Variants in DPF3 observed in about 807,000 individuals in gnomAD.
The protein encoded by DPF3 is double PHD fingers 3, also known as zinc finger protein DPF3.
Under a neutral mutation model 56.8 loss-of-function variants are expected in DPF3, and 18 were observed. The ratio of observed to expected loss-of-function variants is 0.32; its 90% CI spans 0.22 to 0.47. DPF3 has a LOEUF of 0.47. DPF3 is among the 20% of genes least tolerant of loss of function. DPF3 has a pLI of 1.00. For missense variants in DPF3, 403 were observed against 488.8 expected (o/e 0.82, Z 1.65); for synonymous variants, 188 against 180.2 (o/e 1.04, Z -0.35).
chr14:72,890,521 T>TAATAATAATAATAATAATAATAAC (rs1212406549), intron 1 of DPF3, among the ~76,000 whole-genome samples: 1 of 151,300 alleles, frequency 6.6e-6, no homozygotes, highest in African/African-American at 2.4e-5. Context: ...ATAATAATAA[T>TAATAATAATAATAATAATAATAAC]AGCATTATGT....
At chr14:72,814,167 C>A (rs757186420) in intron 1 of DPF3, among the ~76,000 whole-genome samples, 1 of 152,116 alleles carries the variant, frequency 6.6e-6, no homozygotes, top group African/African-American at 2.4e-5. Flanking sequence ...GAATGGTGCC[C>A]CCAGAGTGAG....
At chr14:72,766,919 T>A (rs1339172634) in intron 2 of DPF3, among the ~76,000 whole-genome samples, 2 of 152,166 alleles carry the variant, frequency 1.3e-5, no homozygotes, top group East Asian at 1.9e-4. Flanking sequence ...GGCATCCCAA[T>A]AGCTTTGCTG....
At chr14:72,778,467 AAGCTCAG>A (rs761383273) in intron 1 of DPF3, among the ~76,000 whole-genome samples, 6 of 152,246 alleles carry the variant, frequency 3.9e-5, no homozygotes, top group Non-Finnish European at 7.3e-5. Context: ...GCAGGAAAAC[AAGCTCAG>A]AGCTCCCACT....
At chr14:72,677,681 G>A (rs943940538) in intron 7 of DPF3, among the ~76,000 whole-genome samples, 2 of 152,188 alleles carry the variant, frequency 1.3e-5, no homozygotes, top group Non-Finnish European at 2.9e-5. Flanking sequence ...TGCCCTGGGA[G>A]CACCGGATAT....
intron 7 of DPF3, among the ~76,000 whole-genome samples, chr14:72,678,909 G>T (rs1482830127): frequency 2.0e-5 from 3 of 152,156 alleles, no homozygotes; most frequent in African/African-American, 7.2e-5. Context: ...AAAAAAAATG[G>T]AAATCAGGAA....
intron 2 of DPF3, among the ~76,000 whole-genome samples, chr14:72,756,881 G>GAAA (rs1333672376): frequency 1.1e-4 from 9 of 81,114 alleles, no homozygotes; most frequent in Admixed American, 5.1e-4. Flanking sequence ...AGGAAGGAAA[G>GAAA]AAGGAAAGAA....
chr14:72,715,565 G>A (rs1374941279), intron 5 of DPF3, among the ~76,000 whole-genome samples: 1 of 151,952 alleles, frequency 6.6e-6, no homozygotes, highest in African/African-American at 2.4e-5. Flanking sequence ...CCTGGGGCCT[G>A]GCTTGGAAAA....
intron 3 of DPF3, among the ~76,000 whole-genome samples, chr14:72,747,000 C>T (rs1401911321): frequency 1.3e-5 from 2 of 152,342 alleles, no homozygotes; most frequent in Non-Finnish European, 2.9e-5. Context: ...CTGGCAGGCC[C>T]GTGTGCCCAA....
chr14:72,789,293 T>C (rs1892333643), intron 1 of DPF3, among the ~76,000 whole-genome samples: 1 of 152,130 alleles, frequency 6.6e-6, no homozygotes, highest in Admixed American at 6.5e-5. Context: ...ATGCTACTAC[T>C]ACCCCTCATT....
chr14:72,863,716 A>G (rs1885547256), intron 1 of DPF3, among the ~76,000 whole-genome samples: 1 of 152,192 alleles, frequency 6.6e-6, no homozygotes, highest in Admixed American at 6.6e-5. Flanking sequence ...GACCAGAGAT[A>G]GCTAAGGCTC....
intron 1 of DPF3, among the ~76,000 whole-genome samples, chr14:72,876,246 T>G (rs1386208273): frequency 2.6e-5 from 4 of 152,114 alleles, no homozygotes; most frequent in Non-Finnish European, 5.9e-5. Context: ...CCCCACAGGG[T>G]GTCTCCCTCA....
chr14:72,797,751 T>A (rs1360115895), intron 1 of DPF3, among the ~76,000 whole-genome samples: 1 of 152,194 alleles, frequency 6.6e-6, no homozygotes, highest in Non-Finnish European at 1.5e-5. Context: ...CAACGTAGGA[T>A]GTGGTGATCG....
intron 1 of DPF3, among the ~76,000 whole-genome samples, chr14:72,788,833 G>A (rs1892316797): frequency 6.6e-6 from 1 of 152,224 alleles, no homozygotes; most frequent in Non-Finnish European, 1.5e-5. Flanking sequence ...TCCCAAAGTT[G>A]AGGCCAGGCC....
chr14:72,652,884 T>C (rs377125330), intron 8 of DPF3, among the ~76,000 whole-genome samples: 1 of 152,254 alleles, frequency 6.6e-6, no homozygotes, highest in African/African-American at 2.4e-5. Flanking sequence ...AGGTGCTGTA[T>C]AGATGATGCA....
At position 72,609,262 on chromosome 14, in the gene DPF3, G is replaced by A. The variant is rs551748706; in HGVS notation, c.*10035C>T. Among the ~76,000 whole-genome samples the A allele has an allele frequency of 6.6e-6, 1 of 152,240 alleles. No homozygotes were observed. Among genetic ancestry groups the A allele is most frequent in the Non-Finnish European group, 1.5e-5 (1 of 68,014 alleles). On this transcript the variant is annotated 3_prime_UTR_variant, in exon 11 of 11. Transcript: ENST00000556509. ...TCCCCACATTCTTCATCTCATCAGC[G>A]ACAGGTCTCCCTCCCAGAACCCCAT...
chr14:72,761,545 T>C (rs944329064), intron 2 of DPF3, among the ~76,000 whole-genome samples: 7 of 152,136 alleles, frequency 4.6e-5, no homozygotes, highest in Non-Finnish European at 1.0e-4. Flanking sequence ...TCAAATTTTT[T>C]AAATGAGGCT....
At chr14:72,742,009 G>A (rs1890141523) in intron 3 of DPF3, among the ~76,000 whole-genome samples, 1 of 152,270 alleles carries the variant, frequency 6.6e-6, no homozygotes, top group Non-Finnish European at 1.5e-5. Context: ...CACGAGCAGA[G>A]CTGAAGTCAC....
chr14:72,816,708 G>C (rs1023047557), intron 1 of DPF3, among the ~76,000 whole-genome samples: 2 of 151,514 alleles, frequency 1.3e-5, no homozygotes, highest in Admixed American at 1.3e-4. Context: ...CAAATTATAA[G>C]GAACTGTTCT....
intron 6 of DPF3, among the ~76,000 whole-genome samples, chr14:72,694,285 C>T (rs1326606627): frequency 6.6e-6 from 1 of 151,190 alleles, no homozygotes; most frequent in African/African-American, 2.4e-5. Context: ...TGCTTGTCCC[C>T]CAGCCTGGGT....
Sources: gnomAD v4.1 joint callset for allele counts (sites outside exome capture counted in the v4.1 genomes callset) on GRCh38, gnomAD v4.1.1 for gene constraint, MANE v1.5 for transcripts, NCBI Gene and HGNC (gene_info 2026-07-23, HGNC 2026-07-21) for gene names.